The following MTMR3 variants were observed in gnomAD, a reference collection of about 807,000 sequenced individuals.
The protein encoded by MTMR3 is phosphatidylinositol-3,5-bisphosphate 3-phosphatase MTMR3.
Under a neutral mutation model 132.4 loss-of-function variants are expected in MTMR3, and 32 were observed. The observed-to-expected ratio is 0.24, with a 90% CI of 0.18 to 0.32. The LOEUF (loss-of-function observed/expected upper bound fraction) is 0.32, where lower values mean the gene tolerates loss of function less well. Among genes scored for constraint, MTMR3 ranks in the 10% least tolerant of loss-of-function variants. The pLI, the probability that MTMR3 is intolerant of heterozygous loss-of-function variation, is 1.00. For missense variants in MTMR3, 1,216 were observed against 1,489.6 expected (o/e 0.82, Z 3.02); for synonymous variants, 556 against 550.3 (o/e 1.01, Z -0.14).
chr22:29,889,439 A>T (rs554726490), intron 1 of MTMR3, among the ~76,000 whole-genome samples: 1 of 152,004 alleles, frequency 6.6e-6, no homozygotes, highest in South Asian at 2.1e-4. Flanking sequence ...GGTACCTGCC[A>T]CCACGCCTGG....
chr22:29,907,797 T>C (rs878920054), intron 1 of MTMR3, among the ~76,000 whole-genome samples: 1 of 152,118 alleles, frequency 6.6e-6, no homozygotes, highest in African/African-American at 2.4e-5. Context: ...TCTTTTTTTT[T>C]GATACACACT....
rs2067794013 is a variant in MTMR3, at chr22:30,022,647, C to T, written c.3375C>T (p.Cys1125=). ...TTCCTGACCACCTGGCCGCCCACTG[C>T]TATGCGTGCGACAGTGCCTTCTGGC... ...RWLPDHLAAH[C]YACDSAFWLA... is the part of the protein sequence containing the mutation. The change falls in exon 19 of 20, where the codon TGC becomes TGT. Residue 1125 remains cysteine (C), a synonymous_variant. Transcript: ENST00000401950. The T allele has an allele frequency of 6.2e-7, 1 of 1,612,608 alleles. No individual in the cohort carries two copies.
chr22:29,953,877 T>A (rs945966387), intron 1 of MTMR3, among the ~76,000 whole-genome samples: 1 of 152,146 alleles, frequency 6.6e-6, no homozygotes, highest in Non-Finnish European at 1.5e-5. Flanking sequence ...TTAGATTTAA[T>A]GCAACCACAT....
chr22:29,916,648 AGTTACTC>A (rs1035109523), intron 1 of MTMR3, among the ~76,000 whole-genome samples: 10 of 152,198 alleles, frequency 6.6e-5, no homozygotes, highest in African/African-American at 1.9e-4. Flanking sequence ...GCTAGTCTCA[AGTTACTC>A]CATCATGGTA....
intron 1 of MTMR3, among the ~76,000 whole-genome samples, chr22:29,926,935 C>A (rs1234882032): frequency 6.6e-6 from 1 of 152,044 alleles, no homozygotes; most frequent in African/African-American, 2.4e-5. Flanking sequence ...AAGATTTACT[C>A]CTGTGTTTTC....
chr22:29,956,438 G>T (rs1239271371), intron 1 of MTMR3, among the ~76,000 whole-genome samples: 1 of 151,942 alleles, frequency 6.6e-6, no homozygotes, highest in South Asian at 2.1e-4. Flanking sequence ...GTAGAGACGG[G>T]GTTTTGCCAT....
At chr22:29,960,813 G>A (rs1206551327) in intron 2 of MTMR3, among the ~76,000 whole-genome samples, 1 of 151,910 alleles carries the variant, frequency 6.6e-6, no homozygotes, top group Admixed American at 6.6e-5. Flanking sequence ...TTTTCTTGAG[G>A]CTATTATCTT....
intron 1 of MTMR3, among the ~76,000 whole-genome samples, chr22:29,898,227 A>G (rs1230179452): frequency 2.0e-5 from 3 of 152,206 alleles, no homozygotes; most frequent in Non-Finnish European, 4.4e-5. Flanking sequence ...AGTTGTTTTC[A>G]ACAAATATAC....
intron 1 of MTMR3, among the ~76,000 whole-genome samples, chr22:29,898,675 T>C (rs187020894): frequency 2.0e-5 from 3 of 152,322 alleles, no homozygotes; most frequent in East Asian, 1.9e-4. Flanking sequence ...GTGCTGGTAT[T>C]ATAGGCGTGA....
At chr22:29,932,109 T>C (rs920221574) in intron 1 of MTMR3, among the ~76,000 whole-genome samples, 15 of 152,372 alleles carry the variant, frequency 9.8e-5, no homozygotes, top group African/African-American at 2.4e-4. Context: ...TTGTAGATTT[T>C]TGACTTGAAC....
At chr22:29,895,350 T>C (rs1288860596) in intron 1 of MTMR3, among the ~76,000 whole-genome samples, 5 of 152,190 alleles carry the variant, frequency 3.3e-5, no homozygotes, top group Admixed American at 3.3e-4. Flanking sequence ...ATAGGAACTG[T>C]TACAATCAAC....
intron 4 of MTMR3, 136 bp downstream of exon 4, chr22:29,978,667 A>G (rs1315856194): frequency 1.3e-5 from 9 of 690,740 alleles, no homozygotes; most frequent in Non-Finnish European, 2.1e-5. Context: ...GCTGGAAAAC[A>G]TCTCATTTTA....
chr22:30,020,401 T>C lies in MTMR3; in HGVS notation c.2742T>C (p.Pro914=). The C allele has an allele frequency of 6.2e-7, 1 of 1,614,188 alleles. No homozygotes were observed. The highest frequency in any genetic ancestry group is 8.5e-7 in the Non-Finnish European group (1 of 1,180,028). ...GCACTCTCAGCCTGACACGTTCCCCTTGTGCCTTGCCTTTAGCCGAATGTA... is the reference window on the plus strand; with the variant it reads ...GCACTCTCAGCCTGACACGTTCCCCCTGTGCCTTGCCTTTAGCCGAATGTA... ...LGSTLSLTRS[P]CALPLAECKE... Residue 914 remains proline, a synonymous_variant, in exon 17 of 20, where the codon CCT becomes CCC. Transcript: ENST00000401950.
chr22:29,953,067 ATGC>A (rs2066115110), intron 1 of MTMR3, among the ~76,000 whole-genome samples: 1 of 151,910 alleles, frequency 6.6e-6, no homozygotes, highest in African/African-American at 2.4e-5. Context: ...TTAATATTAA[ATGC>A]ATGTGTAAAA....
intron 6 of MTMR3, chr22:29,989,309 A>G (rs1486262318): frequency 6.6e-6 from 1 of 152,428 alleles, no homozygotes; most frequent in African/African-American, 2.4e-5. Flanking sequence ...GCGCACTGCA[A>G]CTTCTGCCTC....
rs1466371134 is a variant in MTMR3, at chr22:30,026,633, T to G, written c.*832T>G. 4 of 152,770 alleles carry G rather than the reference T, an allele frequency of 2.6e-5. No homozygotes were observed. The highest frequency in any genetic ancestry group is 4.4e-5 in the Non-Finnish European group (3 of 68,110). The allele number at this position is 152,770 out of a possible 1,614,324, so 9.5% of individuals were successfully genotyped here. On this transcript the variant is annotated 3_prime_UTR_variant, in exon 20 of 20. Coordinates refer to ENST00000401950, the MANE Select transcript of MTMR3 (RefSeq NM_021090.4). ...ATGAGTACAGACTGGTCAAAATGTTTATGCAGTCAAGGCCAAAGCCTGCCC... is the reference window on the plus strand; with the variant it reads ...ATGAGTACAGACTGGTCAAAATGTTGATGCAGTCAAGGCCAAAGCCTGCCC...
chr22:29,922,388 A>G (rs1229746181), intron 1 of MTMR3, among the ~76,000 whole-genome samples: 1 of 152,164 alleles, frequency 6.6e-6, no homozygotes, highest in Non-Finnish European at 1.5e-5. Context: ...TTATCCATTT[A>G]TCTGTTGATG....
chr22:29,965,653 C>G lies in MTMR3; in HGVS notation c.-84-5323C>G, dbSNP rs150980775. ...TGAGCTGAGATCGCACCACTGCACT[C>G]CAGCCTGAGCGATAGAGCGAGACTC... On this transcript the variant is annotated intron_variant, in intron 2 of 19. Transcript: ENST00000401950. Among the ~76,000 whole-genome samples the G allele has an allele frequency of 6.7e-3, 1,025 of 152,280 alleles. 17 individuals carry two copies. Among genetic ancestry groups the G allele is most frequent in the African/African-American group, 0.024 (987 of 41,550 alleles).
Position 30,019,753 on chromosome 22 carries a change from A to G in MTMR3, c.2094A>G (p.Lys698=). Reference sequence around the variant, plus strand: ...AGAACATCTTGCAGGAGGCCACCAAAGAGGAGAGTGGAGTAGAGGAACCTG... The same window carrying G: ...AGAACATCTTGCAGGAGGCCACCAAGGAGGAGAGTGGAGTAGAGGAACCTG... The part of the protein sequence containing the change: ...QMENILQEAT[K]EESGVEEPAH... Residue 698 remains lysine, a synonymous_variant, in exon 17 of 20, where the codon AAA becomes AAG. Coordinates refer to ENST00000401950, the MANE Select transcript of MTMR3 (RefSeq NM_021090.4). The G allele has an allele frequency of 6.2e-7, 1 of 1,614,198 alleles. No homozygotes were observed. The highest frequency in any genetic ancestry group is 8.5e-7 in the Non-Finnish European group (1 of 1,180,034).
Sources: allele counts gnomAD v4.1 joint callset (sites outside exome capture counted in the v4.1 genomes callset), GRCh38; gene constraint gnomAD v4.1.1; transcripts MANE v1.5; gene names NCBI Gene and HGNC (gene_info 2026-07-23, HGNC 2026-07-21).